The following TESPA1 variants were observed in gnomAD, a reference collection of about 807,000 sequenced individuals.
TESPA1 encodes thymocyte expressed, positive selection associated 1.
TESPA1 carries 33 observed loss-of-function variants against 57.9 expected under a neutral mutation model. The ratio of observed to expected loss-of-function variants is 0.57; its 90% CI spans 0.43 to 0.76. The LOEUF is 0.76. Among genes scored for constraint, TESPA1 ranks in the 30% least tolerant of loss-of-function variants. The pLI is 0.00. For missense variants in TESPA1, 618 were observed against 632.9 expected (o/e 0.98, Z 0.25); for synonymous variants, 227 against 228.9 (o/e 0.99, Z 0.07).
At chr12:54,978,677 C>T (rs894572432) in intron 1 of TESPA1, among the ~76,000 whole-genome samples, 1 of 152,210 alleles carries the variant, frequency 6.6e-6, no homozygotes, top group African/African-American at 2.4e-5. Context: ...TCAGGTGCTA[C>T]TCATTGACTC....
At chr12:54,977,157 A>G (rs1349113430) in intron 1 of TESPA1, among the ~76,000 whole-genome samples, 2 of 152,234 alleles carry the variant, frequency 1.3e-5, no homozygotes, top group East Asian at 1.9e-4. Flanking sequence ...TTAGAATACA[A>G]GCTCCACGAG....
chr12:54,961,130 A>C (rs376530431), intron 10 of TESPA1, 38 bp downstream of exon 10: 1 of 1,610,596 alleles, frequency 6.2e-7, no homozygotes, highest in Non-Finnish European at 8.5e-7. Context: ...TACAATGTGC[A>C]GCCAGGTTTG....
rs927689103 is a variant in TESPA1 at position 54,968,158 on chromosome 12, C to A, written c.207-266G>T. On this transcript the variant is annotated intron_variant, in intron 3 of 10. Transcript: ENST00000449076. ...CACAGGACTAAAGGACGAAAGTCAA[C>A]TTAACAATGATTCTTCGGTCTTTAG... is the stretch of plus-strand genomic sequence containing the variant. The A allele has an allele frequency of 6.1e-6, 4 of 660,122 alleles. No homozygotes were observed. In the Admixed American group the frequency reaches 9.4e-5, roughly 16 times the overall value. The allele number at this position is 660,122 out of a possible 1,614,324, so 40.9% of individuals were successfully genotyped here.
intron 1 of TESPA1, among the ~76,000 whole-genome samples, chr12:54,982,830 T>C (rs183854744): frequency 6.6e-6 from 1 of 152,302 alleles, no homozygotes; most frequent in East Asian, 1.9e-4. Context: ...ATTTTTCTTC[T>C]TTCCTGCTTT....
At chr12:54,956,272 T>C (rs1950727125) in intron 10 of TESPA1, among the ~76,000 whole-genome samples, 1 of 152,172 alleles carries the variant, frequency 6.6e-6, no homozygotes, top group Non-Finnish European at 1.5e-5. Flanking sequence ...GTCCCTCCTG[T>C]CTCTTCTGCT....
At chr12:54,984,850 T>A (rs1017249536), upstream of TESPA1, 1 of 152,348 alleles carries the variant, frequency 6.6e-6, no homozygotes, top group Non-Finnish European at 1.5e-5. Context: ...CTCAGGAGAC[T>A]GAGCGAAGGA....
In TESPA1 at chr12:54,962,474, C is replaced by T. The variant is rs61733025; in HGVS notation, c.1424G>A (p.Arg475Gln). The change falls in exon 9 of 11, where the codon CGG becomes CAG. Residue 475 changes from arginine (R) to glutamine (Q), a missense_variant. Arg to Gln is a conservative substitution (Grantham distance 43). Around this residue, in one of 3 missense-constraint regions of TESPA1, gnomAD observed 409 missense variants for 420.1 expected, o/e 0.97. Coordinates refer to ENST00000449076, the MANE Select transcript of TESPA1 (RefSeq NM_001136030.3). Reference sequence around the variant, plus strand: ...GTCCTGTGGCTGCTGGCTTAAAGACCGACGCAGTTCTGGTCTGTCTACACT... The same window carrying T: ...GTCCTGTGGCTGCTGGCTTAAAGACTGACGCAGTTCTGGTCTGTCTACACT... ...KQSVDRPELR[R>Q]SLSQQPQDTF... The T allele has an allele frequency of 0.036, 58,612 of 1,612,548 alleles. 1,319 individuals carry two copies. The highest frequency in any genetic ancestry group is 0.043 in the Non-Finnish European group (50,147 of 1,179,790).
chr12:54,965,355 C>A (rs935688540), intron 7 of TESPA1, among the ~76,000 whole-genome samples: 1 of 152,122 alleles, frequency 6.6e-6, no homozygotes, highest in Non-Finnish European at 1.5e-5. Flanking sequence ...CTCACCCCAT[C>A]CCCTGACAGG....
intron 8 of TESPA1, 123 bp downstream of exon 8, chr12:54,963,619 A>C: frequency 9.3e-7 from 1 of 1,079,438 alleles, no homozygotes; most frequent in Non-Finnish European, 1.3e-6. Flanking sequence ...ATAAGAGGAA[A>C]TAGACACAAT....
intron 10 of TESPA1, among the ~76,000 whole-genome samples, chr12:54,958,227 A>AT (rs897494816): frequency 1.2e-4 from 19 of 152,050 alleles, no homozygotes; most frequent in East Asian, 3.9e-4. Flanking sequence ...ACATCTTGGC[A>AT]TTTTTTTTCT....
At chr12:54,975,430 A>G (rs564546418) in intron 1 of TESPA1, among the ~76,000 whole-genome samples, 12 of 152,294 alleles carry the variant, frequency 7.9e-5, no homozygotes, top group Admixed American at 2.6e-4. Flanking sequence ...CAATGATGGC[A>G]CTAGATACAC....
intron 10 of TESPA1, among the ~76,000 whole-genome samples, chr12:54,956,830 GA>G (rs1186100933): frequency 6.6e-6 from 1 of 152,198 alleles, no homozygotes; most frequent in East Asian, 1.9e-4. Flanking sequence ...TCCCATGGCG[GA>G]AGATGGAGGG....
rs1021822773 is a variant in TESPA1, at chr12:54,980,140, TA to T, written c.-46+4444del. ...GTCACCATCCAATGTAATTTGGGATTAAAAAAAAAGGAGAAGTTATTTTAGT... is the reference window on the plus strand; with the variant it reads ...GTCACCATCCAATGTAATTTGGGATTAAAAAAAAGGAGAAGTTATTTTAGT... On this transcript the variant is annotated intron_variant, in intron 1 of 10. Transcript: ENST00000449076. Among the ~76,000 whole-genome samples the T allele has an allele frequency of 2.9e-4, 44 of 151,278 alleles. No homozygotes were observed. In the South Asian group the frequency reaches 3.1e-3, roughly 11 times the overall value.
chr12:54,967,922 G>A, intron 3 of TESPA1, 30 bp from the exon 4 acceptor site: 1 of 1,613,064 alleles, frequency 6.2e-7, no homozygotes, highest in Non-Finnish European at 8.5e-7. Flanking sequence ...ATAGGTTGAA[G>A]TCACTTACTA....
intron 9 of TESPA1, 46 bp from the exon 10 acceptor site, chr12:54,961,313 G>A: frequency 6.2e-7 from 1 of 1,609,756 alleles, no homozygotes; most frequent in South Asian, 1.1e-5. Flanking sequence ...AAGGGGGAAA[G>A]GGGGTAAGGA....
chr12:54,967,538 T>C (rs1053868672), intron 4 of TESPA1, among the ~76,000 whole-genome samples: 1 of 152,032 alleles, frequency 6.6e-6, no homozygotes, highest in African/African-American at 2.4e-5. Flanking sequence ...GGATGTGCAC[T>C]CACACCCATA....
intron 1 of TESPA1, among the ~76,000 whole-genome samples, chr12:54,980,273 G>T (rs1362459159): frequency 6.6e-6 from 1 of 152,210 alleles, no homozygotes; most frequent in Non-Finnish European, 1.5e-5. Flanking sequence ...CAGTCTTAGT[G>T]CAGGAAGTGT....
Position 54,961,225 on chromosome 12 carries a change from G to A in TESPA1, c.1510C>T (p.Pro504Ser). Residue 504 changes from proline (P) to serine (S), a missense_variant, in exon 10 of 11, where the codon CCC (proline) becomes TCC (serine). Pro to Ser is a moderately conservative substitution (Grantham distance 74). Coordinates refer to ENST00000449076, the MANE Select transcript of TESPA1 (RefSeq NM_001136030.3). ...TGGTGGGGGTGCCTGGGTCTGCTGG[G>A]CCAGCGACTCTGACTCTGCTCCTCC... is the stretch of plus-strand genomic sequence containing the variant. ...SEEEQSQSRW[P>S]SRPRHPHHHQ... is the part of the protein sequence containing the mutation. 1 of 1,614,010 alleles carries A rather than the reference G, an allele frequency of 6.2e-7. No individual in the cohort carries two copies. Among genetic ancestry groups the A allele is most frequent in the Non-Finnish European group, 8.5e-7 (1 of 1,179,876 alleles).
intron 1 of TESPA1, among the ~76,000 whole-genome samples, chr12:54,976,979 T>C (rs759128299): frequency 6.6e-6 from 1 of 152,096 alleles, no homozygotes; most frequent in Non-Finnish European, 1.5e-5. Flanking sequence ...CACCCTGCAG[T>C]GTCCAGCTCT....
Sources: gnomAD v4.1 joint callset for allele counts (sites outside exome capture counted in the v4.1 genomes callset) on GRCh38, gnomAD v4.1.1 for gene constraint, gnomAD v4.1.1 regional missense constraint, MANE v1.5 for transcripts, NCBI Gene and HGNC (gene_info 2026-07-23, HGNC 2026-07-21) for gene names.